Variants in GALNT17 observed in about 807,000 individuals in gnomAD.
GALNT17 encodes the protein UDP-GalNAc:polypeptide N-acetylgalactosaminyltransferase-like 3.
Under a neutral mutation model 63.7 loss-of-function variants are expected in GALNT17, and 29 were observed. The observed-to-expected ratio is 0.46, with a 90% CI of 0.34 to 0.62. The LOEUF (loss-of-function observed/expected upper bound fraction) is 0.62, where lower values mean the gene tolerates loss of function less well. GALNT17 is among the 20% of genes least tolerant of loss of function. The pLI, the probability that GALNT17 is intolerant of heterozygous loss-of-function variation, is 0.01. For synonymous variants in GALNT17, 305 were observed against 318.3 expected, an observed-to-expected ratio of 0.96 and a Z score of 0.45; for missense variants, 603 against 799.6, an observed-to-expected ratio of 0.75 and a Z score of 2.97.
At chr7:71,230,941 T>G (rs1023258414) in intron 1 of GALNT17, among the ~76,000 whole-genome samples, 63 of 152,122 alleles carry the variant, frequency 4.1e-4, no homozygotes, top group African/African-American at 1.5e-3. Context: ...AATCAGAAAC[T>G]GTAGCGTGAG....
chr7:71,329,088 T>G (rs1393879775), intron 1 of GALNT17, among the ~76,000 whole-genome samples: 1 of 152,038 alleles, frequency 6.6e-6, no homozygotes, highest in African/African-American at 2.4e-5. Flanking sequence ...TATCGTCAAG[T>G]GAAGAAAAAG....
intron 1 of GALNT17, among the ~76,000 whole-genome samples, chr7:71,265,116 A>ATTTTTTT (rs1562957669): frequency 6.8e-5 from 4 of 59,032 alleles, no homozygotes; most frequent in African/African-American, 1.4e-4. Flanking sequence ...ATATATATAT[A>ATTTTTTT]TATTTTTTTT....
intron 1 of GALNT17, among the ~76,000 whole-genome samples, chr7:71,318,383 A>G (rs1791538572): frequency 6.7e-6 from 1 of 149,114 alleles, no homozygotes; most frequent in African/African-American, 2.5e-5. Flanking sequence ...CAGCTGAGGC[A>G]TTCTTCCTAC....
chr7:71,687,959 A>G (rs1370730010), intron 9 of GALNT17, among the ~76,000 whole-genome samples: 1 of 152,006 alleles, frequency 6.6e-6, no homozygotes, highest in Non-Finnish European at 1.5e-5. Flanking sequence ...CAGCCTCCCA[A>G]AGTGCTGGGA....
intron 2 of GALNT17, among the ~76,000 whole-genome samples, chr7:71,354,458 A>G (rs1342309404): frequency 1.3e-5 from 2 of 152,138 alleles, no homozygotes; most frequent in Non-Finnish European, 2.9e-5. Flanking sequence ...AACTCATTTC[A>G]GTTTTTTCAG....
At chr7:71,584,818 G>A (rs1332495856) in intron 6 of GALNT17, among the ~76,000 whole-genome samples, 4 of 151,840 alleles carry the variant, frequency 2.6e-5, no homozygotes, top group Admixed American at 1.3e-4. Context: ...GCAGTGGCGC[G>A]ATCTCCACTC....
At chr7:71,388,741 A>G (rs556882754) in intron 3 of GALNT17, among the ~76,000 whole-genome samples, 31 of 152,032 alleles carry the variant, frequency 2.0e-4, no homozygotes, top group Admixed American at 1.8e-3. Context: ...TGGCCAGGCT[A>G]GTCTCGAACT....
chr7:71,482,384 A>G (rs1563125756), intron 5 of GALNT17, among the ~76,000 whole-genome samples: 1 of 152,152 alleles, frequency 6.6e-6, no homozygotes. Flanking sequence ...GCCTGACCTC[A>G]TGTGATCTGC....
intron 5 of GALNT17, among the ~76,000 whole-genome samples, chr7:71,455,510 T>TTG (rs902266838): frequency 2.6e-5 from 4 of 151,978 alleles, no homozygotes; most frequent in Admixed American, 2.0e-4. Context: ...GTTTTTGTTT[T>TTG]TTTTTTTGCA....
intron 1 of GALNT17, among the ~76,000 whole-genome samples, chr7:71,190,965 G>T (rs1256461938): frequency 6.6e-6 from 1 of 152,148 alleles, no homozygotes; most frequent in Non-Finnish European, 1.5e-5. Context: ...AGAATGCACA[G>T]ATTCCAAAGA....
At chr7:71,486,632 G>T (rs1270711101) in intron 5 of GALNT17, among the ~76,000 whole-genome samples, 2 of 151,370 alleles carry the variant, frequency 1.3e-5, no homozygotes, top group African/African-American at 4.8e-5. Flanking sequence ...AAGGCAGGCG[G>T]ATTGCTTGAG....
At chr7:71,502,186 A>G (rs1033679517) in intron 5 of GALNT17, among the ~76,000 whole-genome samples, 7 of 152,190 alleles carry the variant, frequency 4.6e-5, no homozygotes, top group South Asian at 4.1e-4. Context: ...CTTATGACCA[A>G]TCTTCACAAC....
intron 2 of GALNT17, among the ~76,000 whole-genome samples, chr7:71,374,935 G>T (rs986259895): frequency 1.3e-4 from 19 of 150,800 alleles, no homozygotes; most frequent in Admixed American, 8.0e-4. Flanking sequence ...CACCTCCTGG[G>T]TTAAAGCGAT....
chr7:71,442,419 T>A (rs1385850893), intron 5 of GALNT17, among the ~76,000 whole-genome samples: 1 of 152,144 alleles, frequency 6.6e-6, no homozygotes, highest in East Asian at 1.9e-4. Context: ...CAGGATGGTC[T>A]CAATCTCCTG....
At chr7:71,628,338 T>C (rs555916048) in intron 6 of GALNT17, among the ~76,000 whole-genome samples, 99 of 152,258 alleles carry the variant, frequency 6.5e-4, no homozygotes, top group Middle Eastern at 3.4e-3. Context: ...TTTTATTTTT[T>C]TAAGACAGAG....
intron 1 of GALNT17, among the ~76,000 whole-genome samples, chr7:71,216,669 C>G (rs1214309539): frequency 7.8e-6 from 1 of 128,420 alleles, no homozygotes; most frequent in Non-Finnish European, 1.8e-5. Context: ...CACATATATA[C>G]ACACAGACAC....
chr7:71,144,894 A>G (rs534565019), intron 1 of GALNT17, among the ~76,000 whole-genome samples: 218 of 152,178 alleles, frequency 1.4e-3, no homozygotes, highest in Middle Eastern at 6.8e-3. Context: ...ATGCCAGGCT[A>G]ATTTTTTGTA....
chr7:71,513,284 G>C (rs1032623547), intron 5 of GALNT17, among the ~76,000 whole-genome samples: 1 of 152,016 alleles, frequency 6.6e-6, no homozygotes, highest in Non-Finnish European at 1.5e-5. Flanking sequence ...TACAAAAGTA[G>C]AGAGAAAAAT....
chr7:71,583,537 C>T (rs1195474680), intron 6 of GALNT17, among the ~76,000 whole-genome samples: 3 of 152,108 alleles, frequency 2.0e-5, no homozygotes, highest in Admixed American at 1.3e-4. Context: ...TGTTACACAA[C>T]GTACTCAGCC....
Sources: allele counts gnomAD v4.1 joint callset (sites outside exome capture counted in the v4.1 genomes callset), GRCh38; gene constraint gnomAD v4.1.1; transcripts MANE v1.5; gene names NCBI Gene and HGNC (gene_info 2026-07-23, HGNC 2026-07-21).